The following ARFIP1 variants were observed in gnomAD, a reference collection of about 807,000 sequenced individuals.
The protein encoded by ARFIP1 is ARF interacting protein 1.
A neutral mutation model predicts 42.5 loss-of-function variants in ARFIP1; 24 were observed. The ratio of observed to expected loss-of-function variants is 0.57; its 90% CI spans 0.41 to 0.80. ARFIP1 has a LOEUF of 0.80. Among genes scored for constraint, ARFIP1 ranks in the 30% least tolerant of loss-of-function variants. The pLI is 0.00. For missense variants in ARFIP1, 354 were observed against 434.0 expected, an observed-to-expected ratio of 0.82 and a Z score of 1.64; for synonymous variants, 141 against 153.7, an observed-to-expected ratio of 0.92 and a Z score of 0.61.
intron 1 of ARFIP1, among the ~76,000 whole-genome samples, chr4:152,799,834 T>A (rs1267526650): frequency 6.6e-6 from 1 of 152,220 alleles, no homozygotes; most frequent in African/African-American, 2.4e-5. Context: ...GAAAGTATTC[T>A]GTTTGTGGTT....
intron 5 of ARFIP1, among the ~76,000 whole-genome samples, chr4:152,874,989 T>C (rs941389749): frequency 1.1e-4 from 16 of 152,182 alleles, no homozygotes; most frequent in Admixed American, 2.6e-4. Flanking sequence ...AATAACTTGA[T>C]TCTGGCTATG....
At chr4:152,879,377 A>G (rs922546040) in intron 5 of ARFIP1, among the ~76,000 whole-genome samples, 2 of 152,194 alleles carry the variant, frequency 1.3e-5, no homozygotes. Context: ...CTGAGATTGT[A>G]TATGTTTGAA....
intron 1 of ARFIP1, among the ~76,000 whole-genome samples, chr4:152,815,308 T>G (rs1246502430): frequency 6.6e-6 from 1 of 152,160 alleles, no homozygotes; most frequent in Non-Finnish European, 1.5e-5. Flanking sequence ...AACAGAGACC[T>G]TATGGCCCAC....
At chr4:152,806,525 T>C (rs1276819574) in intron 1 of ARFIP1, among the ~76,000 whole-genome samples, 1 of 152,180 alleles carries the variant, frequency 6.6e-6, no homozygotes, top group Non-Finnish European at 1.5e-5. Flanking sequence ...ATCAACAGTT[T>C]ATTGAGGTAA....
intron 5 of ARFIP1, among the ~76,000 whole-genome samples, chr4:152,875,714 CTTT>C (rs61013994): frequency 3.6e-5 from 5 of 139,662 alleles, no homozygotes; most frequent in Non-Finnish European, 3.1e-5. Context: ...TATCTTTATT[CTTT>C]TTTTTTTTTT....
chr4:152,899,458 A>G (rs1277359040), intron 8 of ARFIP1, among the ~76,000 whole-genome samples: 1 of 152,168 alleles, frequency 6.6e-6, no homozygotes, highest in East Asian at 1.9e-4. Flanking sequence ...CGATCTCCCA[A>G]CTTTTTTTGA....
chr4:152,860,728 A>G (rs1349580752), intron 2 of ARFIP1, among the ~76,000 whole-genome samples: 1 of 152,230 alleles, frequency 6.6e-6, no homozygotes, highest in Non-Finnish European at 1.5e-5. Flanking sequence ...CCAATAATAA[A>G]TTAGTCACTA....
At chr4:152,846,528 G>A (rs1456724687) in intron 2 of ARFIP1, among the ~76,000 whole-genome samples, 4 of 152,062 alleles carry the variant, frequency 2.6e-5, no homozygotes, top group African/African-American at 4.8e-5. Context: ...ATTCCCTCAA[G>A]ATCTTTTAAG....
intron 3 of ARFIP1, among the ~76,000 whole-genome samples, chr4:152,866,820 G>T (rs1043295821): frequency 1.3e-5 from 2 of 151,604 alleles, no homozygotes; most frequent in South Asian, 4.2e-4. Flanking sequence ...TCCCAGATGG[G>T]GTCGCGGCCA....
At chr4:152,822,660 GGCC>G (rs1730484658) in intron 1 of ARFIP1, among the ~76,000 whole-genome samples, 1 of 152,138 alleles carries the variant, frequency 6.6e-6, no homozygotes, top group Non-Finnish European at 1.5e-5. Context: ...TCACATGATA[GGCC>G]ACAAAACAAG....
chr4:152,798,998 T>C (rs1287661132), intron 1 of ARFIP1, among the ~76,000 whole-genome samples: 2 of 152,248 alleles, frequency 1.3e-5, no homozygotes, highest in South Asian at 4.1e-4. Flanking sequence ...TCTGGAACTT[T>C]GTTTTACATA....
intron 8 of ARFIP1, among the ~76,000 whole-genome samples, chr4:152,896,622 A>C (rs1310369896): frequency 6.6e-6 from 1 of 152,170 alleles, no homozygotes; most frequent in East Asian, 1.9e-4. Flanking sequence ...GAACAGGGTG[A>C]ATGGAAACAG....
intron 1 of ARFIP1, among the ~76,000 whole-genome samples, chr4:152,803,870 A>G (rs1291307917): frequency 1.3e-5 from 2 of 150,682 alleles, no homozygotes; most frequent in Non-Finnish European, 2.9e-5. Flanking sequence ...TTAACTGCTC[A>G]TGATAATATG....
At chr4:152,904,998 T>C (rs1738188470) in intron 8 of ARFIP1, among the ~76,000 whole-genome samples, 1 of 152,194 alleles carries the variant, frequency 6.6e-6, no homozygotes, top group Non-Finnish European at 1.5e-5. Flanking sequence ...GTTGAACTAA[T>C]TTACATTCCC....
At chr4:152,904,972 A>G (rs2149913209) in intron 8 of ARFIP1, among the ~76,000 whole-genome samples, 1 of 152,338 alleles carries the variant, frequency 6.6e-6, no homozygotes, top group South Asian at 2.1e-4. Flanking sequence ...GAATCACCAC[A>G]CTGTCTTCCA....
At chr4:152,868,274 G>T (rs1327196534) in intron 3 of ARFIP1, among the ~76,000 whole-genome samples, 1 of 152,040 alleles carries the variant, frequency 6.6e-6, no homozygotes, top group Non-Finnish European at 1.5e-5. Context: ...TTGGTACCAG[G>T]GTTTTGTTTT....
Position 152,911,928 on chromosome 4 carries a change from T to G in ARFIP1, c.*1709T>G, listed in dbSNP as rs1462852655. ...CTGCAGTAAATCGTTTCTCTGGACC[T>G]TCATAGTTTAAGAAGTAACTATTTG... On this transcript the variant is annotated 3_prime_UTR_variant, in exon 9 of 9. Transcript: ENST00000353617. 6.6e-6 allele frequency: 1 copy of G among 152,542 alleles called. No homozygotes were observed. Among genetic ancestry groups the G allele is most frequent in the Admixed American group, 6.6e-5 (1 of 15,262 alleles). The allele number at this position is 152,542 out of a possible 1,614,324, so 9.4% of individuals were successfully genotyped here.
intron 1 of ARFIP1, among the ~76,000 whole-genome samples, chr4:152,795,780 T>C (rs1731409540): frequency 6.7e-6 from 1 of 150,348 alleles, no homozygotes; most frequent in Admixed American, 6.7e-5. Flanking sequence ...TTCTCTAATT[T>C]TGAGTGAATT....
At chr4:152,840,509 G>C (rs1350031172) in intron 2 of ARFIP1, among the ~76,000 whole-genome samples, 3 of 152,140 alleles carry the variant, frequency 2.0e-5, no homozygotes, top group Non-Finnish European at 4.4e-5. Flanking sequence ...TAATGTCCCT[G>C]TTTGTCTCTT....
Sources: allele counts gnomAD v4.1 joint callset (sites outside exome capture counted in the v4.1 genomes callset), GRCh38; gene constraint gnomAD v4.1.1; transcripts MANE v1.5; gene names NCBI Gene and HGNC (gene_info 2026-07-23, HGNC 2026-07-21).